The following NLRX1 variants were observed in gnomAD, a reference collection of about 807,000 sequenced individuals.
NLRX1 encodes NLR family member X1, also known as NOD-like receptor X1.
NLRX1 carries 67 observed loss-of-function variants against 74.2 expected under a neutral mutation model. That is an observed-to-expected ratio of 0.90 (90% CI 0.74 to 1.11). The LOEUF is 1.11. NLRX1 is among the 50% of genes least tolerant of loss of function. The pLI, the probability that NLRX1 is intolerant of heterozygous loss-of-function variation, is 0.00. For missense variants in NLRX1, 1,191 were observed against 1,305.4 expected (o/e 0.91, Z 1.35); for synonymous variants, 506 against 559.1 (o/e 0.91, Z 1.34).
Position 119,174,922 on chromosome 11 carries a change from G to T in NLRX1, c.1319G>T (p.Arg440Leu). The T allele has an allele frequency of 2.5e-6, 4 of 1,614,006 alleles. No homozygotes were observed. Among genetic ancestry groups the T allele is most frequent in the East Asian group, 2.2e-5 (1 of 44,880 alleles). Residue 440 changes from arginine (R) to leucine (L), a missense_variant, in exon 6 of 10, where the codon CGC becomes CTC. Physicochemically the swap from Arg to Leu is moderately radical, Grantham distance 102 (BLOSUM62 -2). Coordinates refer to ENST00000409109, the MANE Select transcript of NLRX1 (RefSeq NM_001282144.2). The part of the protein sequence containing the change: ...GKLAYEGVSS[R>L]KTYFSEEDVC... ...TTGGCCTATGAGGGGGTGTCCTCCC[G>T]CAAGACCTACTTCTCTGAAGAGGAT... is the stretch of plus-strand genomic sequence containing the variant.
chr11:119,175,350 T>C, intron 6 of NLRX1, 76 bp downstream of exon 6: 2 of 1,287,598 alleles, frequency 1.6e-6, no homozygotes, highest in Non-Finnish European at 2.2e-6. Flanking sequence ...CGCCCCCACA[T>C]GGTTCCCTGT....
intron 6 of NLRX1, among the ~76,000 whole-genome samples, chr11:119,176,352 A>G (rs1948703776): frequency 1.3e-5 from 2 of 152,136 alleles, no homozygotes; most frequent in South Asian, 4.1e-4. Context: ...GGCTCAAGCA[A>G]TCCTCCCACC....
chr11:119,179,423 C>T (rs528156103), intron 6 of NLRX1, among the ~76,000 whole-genome samples: 1 of 152,266 alleles, frequency 6.6e-6, no homozygotes, highest in Admixed American at 6.5e-5. Flanking sequence ...CCCAGAAGTT[C>T]AAGACCAGCT....
At chr11:119,175,486 A>G (rs1486820412) in intron 6 of NLRX1, among the ~76,000 whole-genome samples, 1 of 152,180 alleles carries the variant, frequency 6.6e-6, no homozygotes, top group Non-Finnish European at 1.5e-5. Context: ...AGAAGCCACA[A>G]GGCTGGGGAA....
intron 2 of NLRX1, 46 bp downstream of exon 2, chr11:119,171,519 C>T (rs762017324): frequency 1.4e-6 from 2 of 1,434,980 alleles, no homozygotes; most frequent in East Asian, 4.6e-5. Context: ...TTCTTGCTTT[C>T]CAGGGTCCAC....
Position 119,183,761 on chromosome 11 carries a change from C to G in NLRX1, c.*322C>G. ...CCACTACCAACCTTGCCTCCCCCTCCTCTCAAAGAGCCTCTGACTGTGTCA... is the reference window on the plus strand; with the variant it reads ...CCACTACCAACCTTGCCTCCCCCTCGTCTCAAAGAGCCTCTGACTGTGTCA... On this transcript the variant is annotated 3_prime_UTR_variant, in exon 10 of 10. Coordinates refer to ENST00000409109, the MANE Select transcript of NLRX1 (RefSeq NM_001282144.2). The surrounding 1 kb of genome is among the most constrained non-coding windows in gnomAD (Gnocchi z 5.7). 1 of 780,034 alleles carries G rather than the reference C, an allele frequency of 1.3e-6. No individual in the cohort carries two copies. Among genetic ancestry groups the G allele is most frequent in the Non-Finnish European group, 2.4e-6 (1 of 417,896 alleles). The allele number at this position is 780,034 out of a possible 1,614,324, so 48.3% of individuals were successfully genotyped here.
Position 119,179,788 on chromosome 11 carries a change from C to T in NLRX1, c.1767C>T (p.Tyr589=). 6.2e-7 allele frequency: 1 copy of T among 1,614,224 alleles called. No individual in the cohort carries two copies. Among genetic ancestry groups the T allele is most frequent in the Non-Finnish European group, 8.5e-7 (1 of 1,180,046 alleles). Residue 589 remains tyrosine, a synonymous_variant, in exon 7 of 10, where the codon TAC becomes TAT. Coordinates refer to ENST00000409109, the MANE Select transcript of NLRX1 (RefSeq NM_001282144.2). ...VLEMFREEDY[Y]NDDVLDQMGA... ...AGATGTTTCGAGAGGAGGACTACTA[C>T]AACGATGATGTTCTGGACCAGATGG...
rs1592336684 is a variant in NLRX1 at position 119,181,264 on chromosome 11, G to A, written c.2354+7G>A. The A allele has an allele frequency of 6.2e-7, 1 of 1,611,796 alleles. No individual in the cohort carries two copies. The highest frequency in any genetic ancestry group is 1.3e-5 in the African/African-American group (1 of 74,810). ...GCCAAATTACCACACTGCGGTGAGT[G>A]ACCTGGGAGTGGGGCATCCTGGTGG... On this transcript the variant is annotated splice_region_variant and intron_variant, in intron 8 of 9. Transcript: ENST00000409109.
At position 119,172,972 on chromosome 11, in the gene NLRX1, C is replaced by T. The variant is rs2135159510; in HGVS notation, c.212C>T (p.Pro71Leu). The T allele has an allele frequency of 6.2e-7, 1 of 1,613,706 alleles. No individual in the cohort carries two copies. Among genetic ancestry groups the T allele is most frequent in the East Asian group, 2.2e-5 (1 of 44,816 alleles). The change falls in exon 4 of 10, where the codon CCC becomes CTC. Residue 71 changes from proline (P) to leucine (L), a missense_variant. Pro to Leu is a moderately conservative substitution (Grantham distance 98). Coordinates refer to ENST00000409109, the MANE Select transcript of NLRX1 (RefSeq NM_001282144.2). ...PPPGRHGRLF[P>L]SASATEAIQR... ...CCCGGGAGGCATGGACGGCTGTTCC[C>T]CAGCGCCTCTGCAACTGGTAAAGGG...
At chr11:119,180,350 G>C in intron 7 of NLRX1, 62 bp downstream of exon 7, 1 of 1,357,542 alleles carries the variant, frequency 7.4e-7, no homozygotes, top group South Asian at 1.4e-5. Context: ...GAAGAAGTGG[G>C]AAAAGAAAGT....
chr11:119,178,588 G>A (rs573484709), intron 6 of NLRX1, among the ~76,000 whole-genome samples: 1 of 152,252 alleles, frequency 6.6e-6, no homozygotes, highest in East Asian at 1.9e-4. Flanking sequence ...GGTCTGCGGG[G>A]TCAGGAGAGC....
chr11:119,173,426 G>A lies in NLRX1; in HGVS notation c.230-53G>A. ...TCACCACCGCCCTGATTGGCCCTAA[G>A]CTACATCTCCAGGCCCCTTTCCCTG... On this transcript the variant is annotated intron_variant, in intron 4 of 9. Transcript: ENST00000409109. This position sits in a 1 kb window ranked among gnomAD's most constrained non-coding sequence, Gnocchi z 4.0. 1 of 1,575,282 alleles carries A rather than the reference G, an allele frequency of 6.3e-7. No homozygotes were observed. Among genetic ancestry groups the A allele is most frequent in the East Asian group, 2.2e-5 (1 of 44,608 alleles).
Position 119,175,271 on chromosome 11 carries a change from CA to C in NLRX1, c.1670del (p.Lys557ArgfsTer83). On this transcript the variant is annotated frameshift_variant and splice_region_variant, in exon 6 of 10. Coordinates refer to ENST00000409109, the MANE Select transcript of NLRX1 (RefSeq NM_001282144.2). LOFTEE classifies it high-confidence loss of function. The part of the protein sequence containing the change: ...RALPLLFNLI[K>X]VVPRVFGRMV... ...CTCTGCCTCTGCTCTTCAACCTGAT[CA>C]AGGTAACATCCCGATCAAGGTAACC... is the stretch of plus-strand genomic sequence containing the variant. The C allele has an allele frequency of 1.9e-6, 3 of 1,612,138 alleles. No homozygotes were observed. Among genetic ancestry groups the C allele is most frequent in the Non-Finnish European group, 2.5e-6 (3 of 1,178,866 alleles).
At position 119,183,316 on chromosome 11, in the gene NLRX1, C is replaced by T. The variant is rs774032830; in HGVS notation, c.2805C>T (p.Leu935=). 2 of 1,614,246 alleles carry T rather than the reference C, an allele frequency of 1.2e-6. No individual in the cohort carries two copies. The highest frequency in any genetic ancestry group is 1.6e-4 in the Middle Eastern group (1 of 6,062). ...CCCGGGTTCAGCGACACCTTGAGCTCCTACTGCGGGATCTGGAAGATAGCC... is the reference window on the plus strand; with the variant it reads ...CCCGGGTTCAGCGACACCTTGAGCTTCTACTGCGGGATCTGGAAGATAGCC... ...DRARVQRHLE[L]LLRDLEDSRG... is the part of the protein sequence containing the mutation. The change falls in exon 10 of 10, where the codon CTC becomes CTT. Residue 935 remains leucine, a synonymous_variant. Transcript: ENST00000409109. This position sits in a 1 kb window ranked among gnomAD's most constrained non-coding sequence, Gnocchi z 5.7.
At chr11:119,180,858 T>C (rs1179301347) in intron 7 of NLRX1, among the ~76,000 whole-genome samples, 1 of 151,770 alleles carries the variant, frequency 6.6e-6, no homozygotes, top group Non-Finnish European at 1.5e-5. Flanking sequence ...CTGGGCAACA[T>C]AGCAAGACCC....
chr11:119,179,644 G>GAACAGGCACATGGAAGGCCA, intron 6 of NLRX1, 49 bp from the exon 7 acceptor site: 2 of 1,474,068 alleles, frequency 1.4e-6, no homozygotes, highest in Non-Finnish European at 1.8e-6. Flanking sequence ...CTTGAAGGCT[G>GAACAGGCACATGGAAGGCCA]AACAGGCACA....
At chr11:119,175,432 G>T (rs970359097) in intron 6 of NLRX1, among the ~76,000 whole-genome samples, 158 bp downstream of exon 6, 2 of 152,194 alleles carry the variant, frequency 1.3e-5, no homozygotes, top group African/African-American at 2.4e-5. Context: ...CCTGGATCTG[G>T]TTTCAGCTCT....
intron 2 of NLRX1, 109 bp downstream of exon 2, chr11:119,171,582 T>A: frequency 1.4e-6 from 1 of 717,586 alleles, no homozygotes. Flanking sequence ...TAGTCTCAGC[T>A]CCGTGGTTCT....
intron 7 of NLRX1, 118 bp from the exon 8 acceptor site, chr11:119,181,053 A>G: frequency 1.4e-6 from 1 of 735,022 alleles, no homozygotes; most frequent in East Asian, 2.5e-5. Flanking sequence ...AAAAAAGGGG[A>G]AGCAGGTATA....
Sources: gnomAD v4.1 joint callset for allele counts (sites outside exome capture counted in the v4.1 genomes callset) on GRCh38, gnomAD v4.1.1 for gene constraint, Gnocchi (gnomAD v3.1) non-coding constraint, MANE v1.5 for transcripts, NCBI Gene and HGNC (gene_info 2026-07-23, HGNC 2026-07-21) for gene names.